Variants in PALM2AKAP2 observed in about 807,000 individuals in gnomAD.
The protein encoded by PALM2AKAP2 is PALM2 and AKAP2 fusion.
Under a neutral mutation model 71.5 loss-of-function variants are expected in PALM2AKAP2, and 37 were observed. The ratio of observed to expected loss-of-function variants is 0.52; its 90% confidence interval spans 0.40 to 0.68. The LOEUF (loss-of-function observed/expected upper bound fraction) is 0.68. Ranked by LOEUF, PALM2AKAP2 falls within the 30% of genes least tolerant of loss-of-function variation. The pLI, the probability that PALM2AKAP2 is intolerant of heterozygous loss-of-function variation, is 0.00. For synonymous variants in PALM2AKAP2, 468 were observed against 478.8 expected (o/e 0.98, Z 0.29); for missense variants, 1,224 against 1,191.8 (o/e 1.03, Z -0.40).
At chr9:109,700,004 G>A (rs1828029676) in intron 1 of PALM2AKAP2, among the ~76,000 whole-genome samples, 1 of 152,114 alleles carries the variant, frequency 6.6e-6, no homozygotes, top group Non-Finnish European at 1.5e-5. Context: ...TTGATCTCCT[G>A]ACCTCGTAAT....
At position 109,674,721 on chromosome 9, in the gene PALM2AKAP2, G is replaced by A. The variant is rs550549048; in HGVS notation, c.5+33855G>A. ...CATAGGCTACTTTCTATTCCATTTA[G>A]GCCCTAGGCTTGGCTTGTTTATTTG... On this transcript the variant is annotated intron_variant, in intron 1 of 6. Transcript: ENST00000374531. Among the ~76,000 whole-genome samples the A allele has an allele frequency of 9.2e-5, 14 of 152,086 alleles. 1 individual carries two copies. The highest frequency in any genetic ancestry group is 3.3e-4 in the Admixed American group (5 of 15,266).
At chr9:110,048,704 G>A (rs1276249578) in exon 1 of PALM2AKAP2, 3 of 1,545,206 alleles carry the variant, frequency 1.9e-6, no homozygotes, top group Non-Finnish European at 2.6e-6. Context: ...CTGCAGATGC[G>A]CTGGCCCCAG....
chr9:109,886,295 G>A (rs1452193261), intron 3 of PALM2AKAP2, among the ~76,000 whole-genome samples: 3 of 152,134 alleles, frequency 2.0e-5, no homozygotes, highest in Admixed American at 6.5e-5. Context: ...TGATACTTTC[G>A]GAGATTGTAG....
At chr9:109,857,029 A>G (rs1372089844) in intron 1 of PALM2AKAP2, among the ~76,000 whole-genome samples, 1 of 152,078 alleles carries the variant, frequency 6.6e-6, no homozygotes, top group Non-Finnish European at 1.5e-5. Context: ...AGCCAATGGG[A>G]CTGCTGCTTA....
rs144830732 is a variant in PALM2AKAP2, at chr9:110,158,227, C to A, written c.2748+1730C>A. ...GGATAAAGTTTGCCTTAAGAATTTT[C>A]TGAAAGTTAAATCATTTTGAAACTT... is the stretch of plus-strand genomic sequence containing the variant. On this transcript the variant is annotated intron_variant, in intron 3 of 3. Transcript: ENST00000374525. Among the ~76,000 whole-genome samples, 14 of 152,336 alleles carry A rather than the reference C, an allele frequency of 9.2e-5. No individual in the cohort carries two copies. In the East Asian group the frequency reaches 2.7e-3, roughly 29 times the overall value.
chr9:109,919,732 CATATGT>C (rs1230879130), intron 3 of PALM2AKAP2, among the ~76,000 whole-genome samples: 23 of 140,978 alleles, frequency 1.6e-4, no homozygotes, highest in Admixed American at 3.6e-4. Flanking sequence ...TGTGTGTATA[CATATGT>C]GTGTGTGTGT....
At chr9:109,927,794 T>G (rs948479308) in intron 5 of PALM2AKAP2, among the ~76,000 whole-genome samples, 1 of 152,232 alleles carries the variant, frequency 6.6e-6, no homozygotes, top group South Asian at 2.1e-4. Flanking sequence ...GCTCATCTAT[T>G]GGGTGGGTTG....
At chr9:109,706,306 A>T (rs7035307) in intron 1 of PALM2AKAP2, among the ~76,000 whole-genome samples, 138,378 of 151,780 alleles carry the variant, frequency 0.91, 63,226 homozygotes, top group African/African-American at 0.96. Flanking sequence ...ATTCAGGATT[A>T]TTTTTTTGAT....
At chr9:109,852,087 A>G (rs1033302821) in intron 1 of PALM2AKAP2, among the ~76,000 whole-genome samples, 4 of 150,626 alleles carry the variant, frequency 2.7e-5, no homozygotes, top group Admixed American at 6.6e-5. Flanking sequence ...AAAAAAAAAT[A>G]ATTAAAGAAT....
chr9:110,156,183 A>C, intron 2 of PALM2AKAP2, 136 bp from the exon 9 acceptor site: 6 of 1,246,784 alleles, frequency 4.8e-6, no homozygotes, highest in Non-Finnish European at 6.4e-6. Context: ...ATATAATAAA[A>C]TGGCCTACAC....
At chr9:109,916,271 G>A (rs960603064) in intron 3 of PALM2AKAP2, among the ~76,000 whole-genome samples, 2 of 152,352 alleles carry the variant, frequency 1.3e-5, no homozygotes, top group South Asian at 4.1e-4. Context: ...AGGAACTGGA[G>A]ATTGAATGGC....
chr9:109,701,984 G>A (rs200424431), intron 1 of PALM2AKAP2, among the ~76,000 whole-genome samples: 6,457 of 152,196 alleles, frequency 0.042, 186 homozygotes, highest in Non-Finnish European at 0.053. Context: ...AAAGACACAC[G>A]AAAAAATGCT....
intron 2 of PALM2AKAP2, among the ~76,000 whole-genome samples, chr9:109,877,140 C>T (rs1000150969): frequency 5.9e-5 from 9 of 152,148 alleles, no homozygotes; most frequent in African/African-American, 1.7e-4. Context: ...TCCACACCAA[C>T]GCCAAGGCTT....
At chr9:109,993,664 A>G (rs1159659528) in intron 6 of PALM2AKAP2, among the ~76,000 whole-genome samples, 2 of 151,814 alleles carry the variant, frequency 1.3e-5, no homozygotes, top group African/African-American at 4.8e-5. Flanking sequence ...GTCTACTCTG[A>G]TTCCTCCCCT....
At chr9:109,916,466 G>A (rs961038850) in intron 3 of PALM2AKAP2, among the ~76,000 whole-genome samples, 1 of 152,224 alleles carries the variant, frequency 6.6e-6, no homozygotes, top group Admixed American at 6.5e-5. Context: ...CCAAGGCACC[G>A]TGCTGAGCTA....
At chr9:109,748,808 G>C (rs1587893265) in intron 1 of PALM2AKAP2, among the ~76,000 whole-genome samples, 1 of 152,274 alleles carries the variant, frequency 6.6e-6, no homozygotes, top group East Asian at 1.9e-4. Context: ...AGTGTTGGCA[G>C]GATTAGTTTC....
chr9:109,821,793 G>A (rs577407520), intron 1 of PALM2AKAP2, among the ~76,000 whole-genome samples: 154 of 152,292 alleles, frequency 1.0e-3, no homozygotes, highest in African/African-American at 3.5e-3. Context: ...CCCCCTGGAC[G>A]TGACTCTGCC....
At chr9:109,881,988 A>T (rs1829866362) in intron 3 of PALM2AKAP2, among the ~76,000 whole-genome samples, 1 of 147,096 alleles carries the variant, frequency 6.8e-6, no homozygotes, top group South Asian at 2.1e-4. Flanking sequence ...GGTTCAAGCG[A>T]TTCTCCTGCC....
At chr9:109,683,037 A>G (rs535826677) in intron 1 of PALM2AKAP2, among the ~76,000 whole-genome samples, 1 of 152,172 alleles carries the variant, frequency 6.6e-6, no homozygotes, top group South Asian at 2.1e-4. Flanking sequence ...TATGTTAGTG[A>G]GTGAGTTCTT....
Sources: gnomAD v4.1 joint callset for allele counts (sites outside exome capture counted in the v4.1 genomes callset) on GRCh38, gnomAD v4.1.1 for gene constraint, MANE v1.5 for transcripts, NCBI Gene and HGNC (gene_info 2026-07-23, HGNC 2026-07-21) for gene names.